Variants in FMN1 observed in about 807,000 individuals in gnomAD.
FMN1 encodes the protein formin-1.
In FMN1, 110 loss-of-function variants were observed where a neutral mutation model predicts 132.4. The ratio of observed to expected loss-of-function variants is 0.83; its 90% CI spans 0.71 to 0.97. The LOEUF (loss-of-function observed/expected upper bound fraction) is 0.97, where lower values mean the gene tolerates loss of function less well. Ranked by LOEUF, FMN1 falls within the 50% of genes least tolerant of loss-of-function variation. FMN1 has a pLI of 0.00. For missense variants in FMN1, 1,792 were observed against 1,705.3 expected, an observed-to-expected ratio of 1.05 and a Z score of -0.90; for synonymous variants, 722 against 651.7, an observed-to-expected ratio of 1.11 and a Z score of -1.64.
At chr15:32,991,534 T>G (rs2033433958) in intron 7 of FMN1, among the ~76,000 whole-genome samples, 1 of 152,196 alleles carries the variant, frequency 6.6e-6, no homozygotes, top group Non-Finnish European at 1.5e-5. Context: ...AGCTGAGTCT[T>G]CTGCTGCAGC....
At chr15:33,133,508 T>C (rs1595548118) in intron 4 of FMN1, among the ~76,000 whole-genome samples, 1 of 152,246 alleles carries the variant, frequency 6.6e-6, no homozygotes. Flanking sequence ...TTCCTAATTC[T>C]GGCTCTGGTG....
At chr15:33,161,336 G>A (rs562656512) in intron 3 of FMN1, among the ~76,000 whole-genome samples, 5 of 152,246 alleles carry the variant, frequency 3.3e-5, no homozygotes, top group African/African-American at 9.6e-5. Context: ...ACAGATTGGA[G>A]GGCAGATGGA....
chr15:32,979,351 C>G (rs1048186935), intron 7 of FMN1, among the ~76,000 whole-genome samples: 1 of 151,904 alleles, frequency 6.6e-6, no homozygotes, highest in African/African-American at 2.4e-5. Flanking sequence ...GTCAGGAGAT[C>G]GAGACCATCC....
intron 7 of FMN1, among the ~76,000 whole-genome samples, chr15:32,972,653 T>C (rs988158558): frequency 2.0e-5 from 3 of 152,208 alleles, no homozygotes; most frequent in Non-Finnish European, 2.9e-5. Context: ...GACTCATTCA[T>C]CCTTAAGTGT....
chr15:33,077,765 G>C (rs1424344762), intron 5 of FMN1, among the ~76,000 whole-genome samples: 1 of 119,756 alleles, frequency 8.4e-6, no homozygotes, highest in East Asian at 2.3e-4. Context: ...CTAATATCCA[G>C]AATCTACAAA....
intron 6 of FMN1, among the ~76,000 whole-genome samples, chr15:33,061,914 G>T (rs1482201414): frequency 6.6e-6 from 1 of 151,994 alleles, no homozygotes; most frequent in Non-Finnish European, 1.5e-5. Flanking sequence ...AAAGTAGAAA[G>T]AAACCCTTTA....
At chr15:32,956,142 T>C (rs2061762538) in intron 9 of FMN1, among the ~76,000 whole-genome samples, 1 of 152,138 alleles carries the variant, frequency 6.6e-6, no homozygotes, top group Admixed American at 6.5e-5. Flanking sequence ...CTAGGATCCA[T>C]GCAACTTTTA....
At chr15:32,810,269 G>A (rs974469394) in intron 17 of FMN1, among the ~76,000 whole-genome samples, 2 of 152,180 alleles carry the variant, frequency 1.3e-5, no homozygotes, top group African/African-American at 4.8e-5. Context: ...ACCCATGTTA[G>A]CAGAACACAG....
intron 8 of FMN1, 52 bp downstream of exon 8, chr15:32,968,662 G>C: frequency 6.2e-7 from 1 of 1,605,442 alleles, no homozygotes; most frequent in South Asian, 1.1e-5. Context: ...AATATCACTT[G>C]GGCCAAATCC....
intron 6 of FMN1, among the ~76,000 whole-genome samples, chr15:33,060,430 A>C (rs2037429975): frequency 6.6e-6 from 1 of 152,244 alleles, no homozygotes; most frequent in Non-Finnish European, 1.5e-5. Flanking sequence ...ACGTAAATTA[A>C]AATGAGAAAC....
chr15:32,947,949 T>C (rs767310789), intron 9 of FMN1, among the ~76,000 whole-genome samples: 3 of 152,056 alleles, frequency 2.0e-5, no homozygotes, highest in Non-Finnish European at 4.4e-5. Context: ...TTGATTTCTT[T>C]GCCTTATTAC....
At chr15:33,171,185 A>C (rs1038357337) in intron 3 of FMN1, among the ~76,000 whole-genome samples, 5 of 152,178 alleles carry the variant, frequency 3.3e-5, no homozygotes, top group African/African-American at 1.2e-4. Flanking sequence ...GTAAGTAGAG[A>C]GCAGAATTAT....
chr15:32,888,857 GTT>G (rs34627075), intron 15 of FMN1, among the ~76,000 whole-genome samples: 8 of 135,594 alleles, frequency 5.9e-5, no homozygotes, highest in Non-Finnish European at 8.0e-5. Context: ...ATATACACAG[GTT>G]TTTTTTTTTT....
intron 3 of FMN1, among the ~76,000 whole-genome samples, chr15:33,159,905 G>C (rs1287437546): frequency 1.3e-5 from 2 of 152,182 alleles, no homozygotes; most frequent in Non-Finnish European, 2.9e-5. Context: ...AGATGTATGG[G>C]GGAAAACCCT....
rs1366226280 is a variant in FMN1, at chr15:32,914,690, G to A, written c.3227-4155C>T. The stretch of plus-strand genomic sequence containing the variant: ...GAGGTAGCAAAAACTTGAATAGTGT[G>A]GACAGAAAGGATAGGGCAAAAAAGA... On this transcript the variant is annotated intron_variant, in intron 10 of 20. Coordinates refer to ENST00000616417, the MANE Select transcript of FMN1 (RefSeq NM_001277313.2). 1.3e-5 allele frequency among the ~76,000 whole-genome samples: 2 copies of A among 152,194 alleles called. 1 individual carries two copies. The highest frequency in any genetic ancestry group is 1.3e-4 in the Admixed American group (2 of 15,276).
chr15:32,800,305 A>C (rs1418167060), intron 18 of FMN1, among the ~76,000 whole-genome samples: 2 of 152,212 alleles, frequency 1.3e-5, no homozygotes, highest in African/African-American at 4.8e-5. Context: ...AAAGACTGGA[A>C]ATGTGTAAGT....
chr15:32,983,213 T>C (rs1007470502), intron 7 of FMN1, among the ~76,000 whole-genome samples: 2 of 152,092 alleles, frequency 1.3e-5, no homozygotes, highest in Admixed American at 6.6e-5. Context: ...ATGCCAACAA[T>C]ATGGATGAGT....
chr15:33,087,814 C>CACAT (rs2038756756), intron 5 of FMN1, among the ~76,000 whole-genome samples: 1 of 92,068 alleles, frequency 1.1e-5, no homozygotes, highest in African/African-American at 4.6e-5. Flanking sequence ...TACATATACA[C>CACAT]ATATATATAC....
Position 32,837,220 on chromosome 15 carries a change from C to T in FMN1, c.3928+19795G>A, listed in dbSNP as rs796421470. ...GGGAAGCTGCTTCTCAGCCTTGTAT[C>T]GTTCTGTTACTACCAAGATTTTGGG... On this transcript the variant is annotated intron_variant, in intron 17 of 20. Transcript: ENST00000616417. The T allele has an allele frequency of 1.4e-4, 32 of 231,886 alleles. 1 individual carries two copies. The highest frequency in any genetic ancestry group is 6.2e-4 in the African/African-American group (27 of 43,548). The allele number at this position is 231,886 out of a possible 1,614,324, so 14.4% of individuals were successfully genotyped here. A position where few individuals can be genotyped will look rare whatever the true frequency, so the allele number is the denominator to read the frequency against.
Sources: allele counts gnomAD v4.1 joint callset (sites outside exome capture counted in the v4.1 genomes callset), GRCh38; gene constraint gnomAD v4.1.1; transcripts MANE v1.5; gene names NCBI Gene and HGNC (gene_info 2026-07-23, HGNC 2026-07-21).